The following SRPK2 variants were observed in gnomAD, a reference collection of about 807,000 sequenced individuals.
SRPK2 encodes SFRS protein kinase 2.
SRPK2 carries 21 observed loss-of-function variants against 90.8 expected under a neutral mutation model. That is an observed-to-expected ratio of 0.23 (90% CI 0.16 to 0.33). The LOEUF is 0.33. SRPK2 is among the 10% of genes least tolerant of loss of function. The probability of loss-of-function intolerance (pLI) is 1.00; values close to 1 mark genes in which losing one functional copy is unlikely to be tolerated. For synonymous variants in SRPK2, 288 were observed against 311.1 expected (o/e 0.93, Z 0.78); for missense variants, 620 against 869.0 (o/e 0.71, Z 3.60).
In SRPK2 at chr7:105,367,745, GTA is replaced by G. The variant is rs556519310; in HGVS notation, c.71+20901_71+20902del. Among the ~76,000 whole-genome samples, 82 of 152,246 alleles carry G rather than the reference GTA, an allele frequency of 5.4e-4. 1 individual carries two copies. The highest frequency in any genetic ancestry group is 7.6e-4 in the Non-Finnish European group (52 of 68,016). On this transcript the variant is annotated intron_variant, in intron 2 of 15. Transcript: ENST00000393651. ...CTGCAAATAGTGCCGTGTACAGTCT[GTA>G]CACACACATTTTGTGTACATTTCAT...
chr7:105,170,786 A>AC (rs1554435294), intron 3 of SRPK2, among the ~76,000 whole-genome samples: 14 of 67,612 alleles, frequency 2.1e-4, no homozygotes, highest in African/African-American at 6.9e-4. Context: ...GAAGGACGGG[A>AC]GGGAGGGAGG....
At chr7:105,310,670 A>C (rs1405155857) in intron 2 of SRPK2, among the ~76,000 whole-genome samples, 1 of 142,632 alleles carries the variant, frequency 7.0e-6, no homozygotes, top group East Asian at 2.1e-4. Context: ...TAAATAAATA[A>C]AATGAAAGTC....
chr7:105,255,406 T>C (rs544578266), intron 2 of SRPK2, among the ~76,000 whole-genome samples: 1 of 152,146 alleles, frequency 6.6e-6, no homozygotes, highest in South Asian at 2.1e-4. Flanking sequence ...TACTGCATTA[T>C]AGGTAGTTAT....
At chr7:105,367,285 C>T (rs1169989314) in intron 2 of SRPK2, among the ~76,000 whole-genome samples, 2 of 151,882 alleles carry the variant, frequency 1.3e-5, no homozygotes, top group African/African-American at 2.4e-5. Context: ...GTTTTTGAGA[C>T]AGGTTCCGGC....
chr7:105,355,340 A>G (rs1034333813), intron 2 of SRPK2, among the ~76,000 whole-genome samples: 10 of 152,026 alleles, frequency 6.6e-5, no homozygotes, highest in Admixed American at 1.3e-4. Context: ...TACGAAAAAA[A>G]AAAAATTTTT....
intron 15 of SRPK2, among the ~76,000 whole-genome samples, chr7:105,123,365 C>T (rs910672619): frequency 2.0e-5 from 3 of 152,084 alleles, no homozygotes; most frequent in African/African-American, 4.8e-5. Context: ...TCTCTGGCTG[C>T]GTGGCAAGGA....
At position 105,117,836 on chromosome 7, in the gene SRPK2, T is replaced by A. The variant is rs756428084; in HGVS notation, c.*2A>T. ...CTCAGAATGCAATATTGGTAGAATT[T>A]GCTAAGAATTCAACCAAGGATGCCG... On this transcript the variant is annotated 3_prime_UTR_variant, in exon 16 of 16. Transcript: ENST00000393651. The A allele has an allele frequency of 6.2e-7, 1 of 1,612,252 alleles. No individual in the cohort carries two copies. The highest frequency in any genetic ancestry group is 8.5e-7 in the Non-Finnish European group (1 of 1,179,892).
At chr7:105,316,922 G>T (rs1812374181) in intron 2 of SRPK2, among the ~76,000 whole-genome samples, 1 of 152,176 alleles carries the variant, frequency 6.6e-6, no homozygotes, top group African/African-American at 2.4e-5. Flanking sequence ...TGACAGTTAT[G>T]AGGCTTAAGT....
At chr7:105,305,133 ATTAT>A (rs1810999437) in intron 2 of SRPK2, among the ~76,000 whole-genome samples, 1 of 152,222 alleles carries the variant, frequency 6.6e-6, no homozygotes, top group African/African-American at 2.4e-5. Context: ...ACAGAGGATG[ATTAT>A]TTAACAAAAA....
intron 3 of SRPK2, among the ~76,000 whole-genome samples, chr7:105,174,977 C>T (rs1413961824): frequency 2.0e-5 from 3 of 152,008 alleles, no homozygotes; most frequent in Non-Finnish European, 1.5e-5. Flanking sequence ...AAACGCCTCT[C>T]TTACTAAAAA....
intron 2 of SRPK2, among the ~76,000 whole-genome samples, chr7:105,368,968 T>C (rs938541103): frequency 6.6e-6 from 1 of 150,524 alleles, no homozygotes; most frequent in African/African-American, 2.4e-5. Flanking sequence ...TTTAGGGCAA[T>C]GGACTTCAAA....
intron 2 of SRPK2, among the ~76,000 whole-genome samples, chr7:105,383,389 A>C (rs1282490866): frequency 6.7e-6 from 1 of 149,950 alleles, no homozygotes; most frequent in African/African-American, 2.5e-5. Flanking sequence ...GTTTTAATAA[A>C]AATTTTACAA....
chr7:105,126,017 G>A (rs1801151318), intron 15 of SRPK2: 1 of 652,208 alleles, frequency 1.5e-6, no homozygotes, highest in East Asian at 2.8e-5. Flanking sequence ...TCGCGTTGCT[G>A]GATTCAGGAT....
intron 7 of SRPK2, among the ~76,000 whole-genome samples, chr7:105,158,231 T>C (rs1806820138): frequency 6.6e-6 from 1 of 152,074 alleles, no homozygotes; most frequent in Non-Finnish European, 1.5e-5. Context: ...AAAATAAATG[T>C]CAATGGCTCA....
chr7:105,287,549 CA>C, intron 2 of SRPK2, among the ~76,000 whole-genome samples: 1 of 151,874 alleles, frequency 6.6e-6, no homozygotes, highest in East Asian at 1.9e-4. Context: ...CCAGCTTGGC[CA>C]AATGACAAAA....
chr7:105,359,147 C>CCAAACCAT (rs1818139761), intron 2 of SRPK2, among the ~76,000 whole-genome samples: 2 of 137,120 alleles, frequency 1.5e-5, no homozygotes, highest in Non-Finnish European at 3.0e-5. Context: ...ATCCAAACCA[C>CCAAACCAT]AGCTTTTTTT....
At chr7:105,220,513 A>G (rs920635910) in intron 2 of SRPK2, among the ~76,000 whole-genome samples, 2 of 152,314 alleles carry the variant, frequency 1.3e-5, no homozygotes, top group Admixed American at 6.5e-5. Flanking sequence ...CGACAGAGCG[A>G]GACTCCATCT....
rs10684672 is a variant in SRPK2 at position 105,291,044 on chromosome 7, CAAAAAAAAA to C, written c.72-87268_72-87260del. ...TGGGCGACAGAGCGAGACTCCGTCT[CAAAAAAAAA>C]AAAAAAAAAAAAGAAATGAAGACTG... is the stretch of plus-strand genomic sequence containing the variant. On this transcript the variant is annotated intron_variant, in intron 2 of 15. Transcript: ENST00000393651. 3.7e-4 allele frequency among the ~76,000 whole-genome samples: 31 copies of C among 83,772 alleles called. No individual in the cohort carries two copies. In the South Asian group the frequency reaches 5.5e-3, roughly 15 times the overall value. The allele number at this position is 83,772 out of a possible 152,430, so 55.0% of individuals were successfully genotyped here. A position where few individuals can be genotyped will look rare whatever the true frequency, so the allele number is the denominator to read the frequency against.
At chr7:105,233,079 GAAAGGAAGGAAA>G (rs1375493242) in intron 2 of SRPK2, among the ~76,000 whole-genome samples, 2 of 125,352 alleles carry the variant, frequency 1.6e-5, no homozygotes, top group Non-Finnish European at 1.7e-5. Context: ...AGGAAGGAAG[GAAAGGAAGGAAA>G]GAAGGAAGGA....
Sources: gnomAD v4.1 joint callset for allele counts (sites outside exome capture counted in the v4.1 genomes callset) on GRCh38, gnomAD v4.1.1 for gene constraint, MANE v1.5 for transcripts, NCBI Gene and HGNC (gene_info 2026-07-23, HGNC 2026-07-21) for gene names.